Variants in ASTN2 observed in about 807,000 individuals in gnomAD.
ASTN2 encodes astrotactin 2.
A neutral mutation model predicts 139.8 loss-of-function variants in ASTN2; 54 were observed. The observed-to-expected ratio is 0.39, with a 90% confidence interval of 0.31 to 0.48. The LOEUF (loss-of-function observed/expected upper bound fraction) is 0.48, where lower values mean the gene tolerates loss of function less well. Ranked by LOEUF, ASTN2 falls within the 20% of genes least tolerant of loss-of-function variation. The probability of loss-of-function intolerance (pLI) is 0.95; values close to 1 mark genes in which losing one functional copy is unlikely to be tolerated. For missense variants in ASTN2, 1,565 were observed against 1,725.1 expected, an observed-to-expected ratio of 0.91 and a Z score of 1.64; for synonymous variants, 756 against 719.5, an observed-to-expected ratio of 1.05 and a Z score of -0.81.
intron 6 of ASTN2, among the ~76,000 whole-genome samples, chr9:117,015,194 T>G (rs1212197259): frequency 6.6e-6 from 1 of 152,032 alleles, no homozygotes; most frequent in East Asian, 1.9e-4. Context: ...TTTTTTGTGT[T>G]TTTTTGTAGA....
At chr9:116,466,475 TCCTACCAGCCCATTC>T (rs1848650700) in intron 20 of ASTN2, among the ~76,000 whole-genome samples, 1 of 152,176 alleles carries the variant, frequency 6.6e-6, no homozygotes, top group Non-Finnish European at 1.5e-5. Context: ...GCTTCACAAT[TCCTACCAGCCCATTC>T]TCTCTGTGAC....
intron 3 of ASTN2, among the ~76,000 whole-genome samples, chr9:117,205,121 T>C (rs1831872893): frequency 6.6e-6 from 1 of 152,092 alleles, no homozygotes; most frequent in African/African-American, 2.4e-5. Flanking sequence ...GGCAAACAAA[T>C]GGGGGTAGTG....
At position 116,820,869 on chromosome 9, in the gene ASTN2, T is replaced by C. The variant is rs535577237; in HGVS notation, c.2041-86A>G. ...CCTCTCCTCCCTCCTGGAAGAGACA[T>C]GTGTCAGGGCCTGACAGAAAGGTAT... On this transcript the variant is annotated intron_variant, in intron 11 of 22. Transcript: ENST00000313400. 4.3e-5 allele frequency: 59 copies of C among 1,377,180 alleles called. 1 individual carries two copies. In the South Asian group the frequency reaches 4.3e-4, roughly 10 times the overall value. 85.3% of individuals were successfully genotyped at this position (1,377,180 alleles called of 1,614,324 possible).
At chr9:117,104,218 T>C (rs1452642438) in intron 4 of ASTN2, among the ~76,000 whole-genome samples, 1 of 152,210 alleles carries the variant, frequency 6.6e-6, no homozygotes, top group African/African-American at 2.4e-5. Flanking sequence ...CTAAACCTGA[T>C]TGTTTATAAT....
Position 116,699,185 on chromosome 9 carries a change from C to T in ASTN2, c.2806+26586G>A. On this transcript the variant is annotated intron_variant, in intron 16 of 22. Transcript: ENST00000313400. This position sits in a 1 kb window ranked among gnomAD's most constrained non-coding sequence, Gnocchi z 4.2. ...GGGGTATCACAGCCTTGCCATCTGG[C>T]CAGTTTGTAGTAACCGATGTGGAAG... The T allele has an allele frequency of 6.2e-7, 1 of 1,614,232 alleles. No homozygotes were observed.
At chr9:116,534,712 T>C (rs972622835) in intron 19 of ASTN2, among the ~76,000 whole-genome samples, 42 of 152,250 alleles carry the variant, frequency 2.8e-4, no homozygotes, top group African/African-American at 9.6e-4. Context: ...TTGATTGCAC[T>C]GTGTTCTGAG....
intron 13 of ASTN2, among the ~76,000 whole-genome samples, chr9:116,762,557 G>A (rs960948690): frequency 6.6e-6 from 1 of 152,172 alleles, no homozygotes; most frequent in Non-Finnish European, 1.5e-5. Context: ...TGCCTGTTTT[G>A]TATATTCCAT....
intron 13 of ASTN2, among the ~76,000 whole-genome samples, chr9:116,786,382 T>C (rs1187341115): frequency 6.6e-6 from 1 of 152,214 alleles, no homozygotes; most frequent in Non-Finnish European, 1.5e-5. Flanking sequence ...GGTTTTTATA[T>C]ATTTTGTTCA....
intron 17 of ASTN2, among the ~76,000 whole-genome samples, chr9:116,639,402 C>G (rs1857223171): frequency 6.6e-6 from 1 of 152,208 alleles, no homozygotes; most frequent in Non-Finnish European, 1.5e-5. Flanking sequence ...CTGCTTTCAA[C>G]TGCATATGCC....
At chr9:116,473,686 T>A (rs113490931) in intron 20 of ASTN2, among the ~76,000 whole-genome samples, 2 of 152,156 alleles carry the variant, frequency 1.3e-5, no homozygotes, top group Non-Finnish European at 2.9e-5. Context: ...TCACCTGACG[T>A]CAGGAGTTCG....
chr9:116,532,762 T>C (rs1312984374), intron 19 of ASTN2, among the ~76,000 whole-genome samples: 1 of 152,236 alleles, frequency 6.6e-6, no homozygotes, highest in Non-Finnish European at 1.5e-5. Flanking sequence ...TTGGTTACTA[T>C]AGCCTTGTAG....
chr9:117,184,460 T>G (rs1465406721), intron 3 of ASTN2, among the ~76,000 whole-genome samples: 2 of 152,280 alleles, frequency 1.3e-5, no homozygotes, highest in African/African-American at 4.8e-5. Context: ...AAGTGATATC[T>G]CTGTCTGCCG....
rs866799906 is a variant in ASTN2 at position 117,181,071 on chromosome 9, T to C, written c.1015+33287A>G. On this transcript the variant is annotated intron_variant, in intron 3 of 22. Transcript: ENST00000313400. The stretch of plus-strand genomic sequence containing the variant: ...CATAAACATACATCTGAAAGGCCTG[T>C]TTCCATGGTCCCTTAAAGCAACCCA... 6.0e-6 allele frequency: 8 copies of C among 1,343,024 alleles called. No homozygotes were observed. The Middle Eastern group carries it at 9.1e-4, about 153-fold the overall frequency. The allele number at this position is 1,343,024 out of a possible 1,614,324, so 83.2% of individuals were successfully genotyped here. A position where few individuals can be genotyped will look rare whatever the true frequency, so the allele number is the denominator to read the frequency against.
chr9:116,642,069 T>C (rs1215470626), intron 17 of ASTN2, among the ~76,000 whole-genome samples: 1 of 136,092 alleles, frequency 7.3e-6, no homozygotes, highest in East Asian at 2.3e-4. Context: ...GGGTAGTGGT[T>C]CTCAAGCTCA....
chr9:116,979,224 A>T (rs1836440904), intron 7 of ASTN2, among the ~76,000 whole-genome samples: 1 of 152,172 alleles, frequency 6.6e-6, no homozygotes, highest in African/African-American at 2.4e-5. Context: ...GGAGTGAAGA[A>T]TGGGTCAGAG....
At chr9:117,356,938 C>A (rs1240882822) in intron 1 of ASTN2, among the ~76,000 whole-genome samples, 1 of 151,998 alleles carries the variant, frequency 6.6e-6, no homozygotes. Context: ...TGGGCGCATG[C>A]CTGTAATGCC....
chr9:117,019,771 A>G (rs1837819271), intron 6 of ASTN2, among the ~76,000 whole-genome samples: 1 of 152,012 alleles, frequency 6.6e-6, no homozygotes, highest in Non-Finnish European at 1.5e-5. Flanking sequence ...GACTGGTTGG[A>G]ACACCAGCCT....
intron 10 of ASTN2, among the ~76,000 whole-genome samples, chr9:116,886,925 G>A (rs999340892): frequency 6.6e-6 from 1 of 152,036 alleles, no homozygotes; most frequent in Non-Finnish European, 1.5e-5. Context: ...GAGCTGTGGT[G>A]GGGCATGCTG....
chr9:117,109,055 T>G (rs1406368676), intron 4 of ASTN2, among the ~76,000 whole-genome samples: 1 of 152,042 alleles, frequency 6.6e-6, no homozygotes, highest in Non-Finnish European at 1.5e-5. Context: ...GAGGCCGAGG[T>G]GGGCGGATCA....
Sources: gnomAD v4.1 joint callset for allele counts (sites outside exome capture counted in the v4.1 genomes callset) on GRCh38, gnomAD v4.1.1 for gene constraint, Gnocchi (gnomAD v3.1) non-coding constraint, MANE v1.5 for transcripts, NCBI Gene and HGNC (gene_info 2026-07-23, HGNC 2026-07-21) for gene names.